HMGB1: variants seen among roughly 807,000 people sequenced by gnomAD.
HMGB1 encodes the protein high mobility group box 1, also known as high mobility group protein B1.
For synonymous variants in HMGB1, 81 were observed against 84.0 expected, an observed-to-expected ratio of 0.96 and a Z score of 0.19; for missense variants, 79 against 253.5, an observed-to-expected ratio of 0.31 and a Z score of 4.67.
rs150291679 is a variant in HMGB1, at chr13:30,545,341, G to A, written c.-15+71330C>T. 3.1e-3 allele frequency among the ~76,000 whole-genome samples: 464 copies of A among 150,920 alleles called. 9 individuals carry two copies. The highest frequency in any genetic ancestry group is 0.011 in the African/African-American group (443 of 41,156). On this transcript the variant is annotated intron_variant, in intron 1 of 4. Coordinates refer to the HMGB1 transcript ENST00000405805. The stretch of plus-strand genomic sequence containing the variant: ...TCACTGGGTGATGAATTAGAGTGCC[G>A]GCTGCTCTATTGAGAATAACTGAAT...
chr13:30,502,446 T>C (rs1174061995), intron 1 of HMGB1, among the ~76,000 whole-genome samples: 1 of 152,182 alleles, frequency 6.6e-6, no homozygotes, highest in African/African-American at 2.4e-5. Context: ...TTAACAGTTA[T>C]TCTAGACATT....
chr13:30,609,432 C>T lies in HMGB1; in HGVS notation c.-15+7239G>A, dbSNP rs117909097. 1.6e-3 allele frequency among the ~76,000 whole-genome samples: 247 copies of T among 152,178 alleles called. 4 individuals are homozygous for T. The East Asian group carries it at 0.039, about 24-fold the overall frequency. On this transcript the variant is annotated intron_variant, in intron 1 of 4. Coordinates refer to the HMGB1 transcript ENST00000405805. ...AACAAGTTCCCAATATATAGTTGAC[C>T]CCTGAACAATGCAGGTTTGAACTGC...
At chr13:30,494,706 CAT>C (rs1887572507) in intron 1 of HMGB1, among the ~76,000 whole-genome samples, 1 of 152,202 alleles carries the variant, frequency 6.6e-6, no homozygotes. Flanking sequence ...AGTAAATTCA[CAT>C]GATTGTGCAA....
chr13:30,519,267 T>C lies in HMGB1; in HGVS notation c.-14-55573A>G, dbSNP rs964728347. Among the ~76,000 whole-genome samples the C allele has an allele frequency of 2.7e-5, 4 of 150,860 alleles. No individual in the cohort carries two copies. The Middle Eastern group carries it at 0.01, about 387-fold the overall frequency. ...AATTAGGGAGACGTGGTGGCACACA[T>C]CTGTAGTCCCAGCTACTCGGGAGGC... On this transcript the variant is annotated intron_variant, in intron 1 of 4. Coordinates refer to the HMGB1 transcript ENST00000405805.
upstream of HMGB1, among the ~76,000 whole-genome samples, chr13:30,467,532 G>A (rs1015361926): frequency 1.2e-4 from 18 of 152,182 alleles, no homozygotes; most frequent in Non-Finnish European, 2.6e-4. Flanking sequence ...TAATATTAAA[G>A]AGGATATAAA....
chr13:30,575,059 G>A (rs1870588372), intron 1 of HMGB1, among the ~76,000 whole-genome samples: 1 of 152,166 alleles, frequency 6.6e-6, no homozygotes, highest in Admixed American at 6.5e-5. Flanking sequence ...TAAACTCCGA[G>A]TAAAAGTATC....
intron 1 of HMGB1, among the ~76,000 whole-genome samples, chr13:30,549,857 C>T (rs4769845): frequency 0.89 from 135,012 of 151,876 alleles, 60,103 homozygotes; most frequent in Middle Eastern, 0.94. Context: ...CCTGGGATTG[C>T]AGGCGCCCGC....
At chr13:30,521,181 A>G (rs961239016) in intron 1 of HMGB1, among the ~76,000 whole-genome samples, 1 of 152,190 alleles carries the variant, frequency 6.6e-6, no homozygotes, top group African/African-American at 2.4e-5. Context: ...TATTATTATC[A>G]ATGGCCTTTG....
chr13:30,576,901 T>C (rs1349216887), intron 1 of HMGB1, among the ~76,000 whole-genome samples: 1 of 152,204 alleles, frequency 6.6e-6, no homozygotes. Flanking sequence ...GAATTGTCGC[T>C]GTCATGGACT....
chr13:30,526,706 C>A (rs561222265), intron 1 of HMGB1, among the ~76,000 whole-genome samples: 2 of 152,186 alleles, frequency 1.3e-5, no homozygotes, highest in Admixed American at 1.3e-4. Flanking sequence ...CCTGCCACCA[C>A]GAGCCCTAGC....
At chr13:30,465,115 T>C (rs1244358823) in intron 1 of HMGB1, 1 of 955,896 alleles carries the variant, frequency 1.0e-6, no homozygotes, top group East Asian at 1.2e-4. Flanking sequence ...CCCGCCTTGT[T>C]TTCTCTCCAG....
chr13:30,461,242 A>G lies in HMGB1; in HGVS notation c.*115T>C, dbSNP rs1886307603. 2 of 1,456,010 alleles carry G rather than the reference A, an allele frequency of 1.4e-6. No individual in the cohort carries two copies. Among genetic ancestry groups the G allele is most frequent in the Non-Finnish European group, 1.8e-6 (2 of 1,093,170 alleles). The allele number at this position is 1,456,010 out of a possible 1,614,324, so 90.2% of individuals were successfully genotyped here. ...ACAAAAAAAGACACTGTACAGTTTA[A>G]AAACAAATCTTACACAGCCTTACAT... On this transcript the variant is annotated 3_prime_UTR_variant, in exon 5 of 5. Transcript: ENST00000341423.
Position 30,581,551 on chromosome 13 carries a change from C to A in HMGB1, c.-15+35120G>T, listed in dbSNP as rs376405602. Among the ~76,000 whole-genome samples, 5 of 152,286 alleles carry A rather than the reference C, an allele frequency of 3.3e-5. No homozygotes were observed. In the East Asian group the frequency reaches 9.6e-4, roughly 29 times the overall value. On this transcript the variant is annotated intron_variant, in intron 1 of 4. Transcript: ENST00000405805. ...AAAGACTAAAATACTTATCATCTGA[C>A]CTTTTACAGAAAGTTTGCTGATCCT...
At chr13:30,495,821 A>C (rs113005997) in intron 1 of HMGB1, among the ~76,000 whole-genome samples, 94 of 152,242 alleles carry the variant, frequency 6.2e-4, no homozygotes, top group African/African-American at 2.1e-3. Flanking sequence ...TTAATATATA[A>C]AGATAACTAT....
intron 1 of HMGB1, among the ~76,000 whole-genome samples, chr13:30,505,404 T>G (rs970498071): frequency 6.6e-6 from 1 of 150,804 alleles, no homozygotes; most frequent in Non-Finnish European, 1.5e-5. Flanking sequence ...GGTCTCCATC[T>G]CCTGACCTCG....
At position 30,461,485 on chromosome 13, in the gene HMGB1, C is replaced by T; in HGVS notation, c.520G>A (p.Gly174Arg). The T allele has an allele frequency of 6.4e-7, 1 of 1,562,114 alleles. No homozygotes were observed. Among genetic ancestry groups the T allele is most frequent in the Non-Finnish European group, 8.7e-7 (1 of 1,152,148 alleles). Reference sequence around the variant, plus strand: ...TTGCTTTTTTCAGCCTTGACAACTCCCTTTTTTGCTGCATCAGGCTTTCCT... The same window carrying T: ...TTGCTTTTTTCAGCCTTGACAACTCTCTTTTTTGCTGCATCAGGCTTTCCT... ...AKGKPDAAKKGVVKAEKSKKK... is the reference protein window; with the variant it reads ...AKGKPDAAKKRVVKAEKSKKK... Residue 174 changes from glycine (G) to arginine (R), a missense_variant, in exon 5 of 5, where the codon GGA (glycine) becomes AGA (arginine). Coordinates refer to ENST00000341423, the MANE Select transcript of HMGB1 (RefSeq NM_002128.7).
At chr13:30,465,522 G>T (rs1394923158) in intron 1 of HMGB1, among the ~76,000 whole-genome samples, 1 of 149,642 alleles carries the variant, frequency 6.7e-6, no homozygotes, top group African/African-American at 2.5e-5. Flanking sequence ...TTTTTTTTGC[G>T]CCAGTCAGCG....
At chr13:30,491,847 T>C (rs1046352085) in intron 1 of HMGB1, among the ~76,000 whole-genome samples, 1 of 151,978 alleles carries the variant, frequency 6.6e-6, no homozygotes, top group African/African-American at 2.4e-5. Flanking sequence ...AAACTAAACC[T>C]TGTCAACACT....
intron 1 of HMGB1, among the ~76,000 whole-genome samples, chr13:30,572,715 G>T (rs1055442601): frequency 1.3e-5 from 2 of 152,192 alleles, no homozygotes; most frequent in Non-Finnish European, 2.9e-5. Context: ...ATACATTTCT[G>T]CTTTCTCTAA....
Sources: allele counts gnomAD v4.1 joint callset (sites outside exome capture counted in the v4.1 genomes callset), GRCh38; gene constraint gnomAD v4.1.1; transcripts MANE v1.5; gene names NCBI Gene and HGNC (gene_info 2026-07-23, HGNC 2026-07-21).